PCDHA2: variants seen among roughly 807,000 people sequenced by gnomAD.
PCDHA2 encodes the protein protocadherin alpha 2, also known as protocadherin alpha-2.
Under a neutral mutation model 66.0 loss-of-function variants are expected in PCDHA2, and 58 were observed. That is an observed-to-expected ratio of 0.88 (90% CI 0.71 to 1.09). PCDHA2 has a LOEUF of 1.09. Ranked by LOEUF, PCDHA2 falls within the 50% of genes least tolerant of loss-of-function variation. The pLI is 0.00. For missense variants in PCDHA2, 1,267 were observed against 1,242.3 expected (o/e 1.02, Z -0.30); for synonymous variants, 634 against 554.0 (o/e 1.14, Z -2.03).
intron 1 of PCDHA2, chr5:140,968,416 G>A: frequency 1.2e-6 from 2 of 1,613,992 alleles, no homozygotes; most frequent in Non-Finnish European, 1.7e-6. Context: ...TGACTGTGGA[G>A]GCTCAGGACA....
chr5:140,972,660 ATTTTTTTTT>A (rs11350929), intron 1 of PCDHA2, among the ~76,000 whole-genome samples: 1 of 117,268 alleles, frequency 8.5e-6, no homozygotes, highest in Non-Finnish European at 1.7e-5. Flanking sequence ...AAGAAACCAA[ATTTTTTTTT>A]TTTTTTTTTT....
intron 1 of PCDHA2, among the ~76,000 whole-genome samples, chr5:140,954,634 T>C (rs1366737169): frequency 6.6e-6 from 1 of 152,210 alleles, no homozygotes; most frequent in Admixed American, 6.5e-5. Flanking sequence ...GTTTTTCTTG[T>C]AAATTTGTTT....
intron 1 of PCDHA2, chr5:140,823,221 C>A (rs1328701255): frequency 1.2e-6 from 2 of 1,613,612 alleles, no homozygotes; most frequent in Non-Finnish European, 1.7e-6. Flanking sequence ...GGGACGCGGA[C>A]GCGCAGGAGA....
At position 140,796,138 on chromosome 5, in the gene PCDHA2, C is replaced by A; in HGVS notation, c.1174C>A (p.His392Asn). Reference sequence around the variant, plus strand: ...ACATGTCACCTGCTCCCTGACGCCCCACGTCCCTTTCAAGCTGGTGTCCAC... The same window carrying A: ...ACATGTCACCTGCTCCCTGACGCCCAACGTCCCTTTCAAGCTGGTGTCCAC... ...NGHVTCSLTPHVPFKLVSTFK... is the reference protein window; with the variant it reads ...NGHVTCSLTPNVPFKLVSTFK... Residue 392 changes from histidine to asparagine, a missense_variant, in exon 1 of 4, where the codon CAC (histidine) becomes AAC (asparagine). His to Asn is a moderately conservative substitution (Grantham distance 68). Coordinates refer to ENST00000526136, the MANE Select transcript of PCDHA2 (RefSeq NM_018905.3). 6.2e-7 allele frequency: 1 copy of A among 1,614,198 alleles called. No homozygotes were observed. The highest frequency in any genetic ancestry group is 2.2e-5 in the East Asian group (1 of 44,882).
At chr5:140,858,342 C>T (rs528199752) in intron 1 of PCDHA2, 5 of 1,594,916 alleles carry the variant, frequency 3.1e-6, no homozygotes, top group East Asian at 2.2e-5. Flanking sequence ...CTGCCCAAGG[C>T]GGACCTCATG....
At chr5:140,885,280 A>G (rs2060543465) in intron 1 of PCDHA2, among the ~76,000 whole-genome samples, 2 of 152,138 alleles carry the variant, frequency 1.3e-5, no homozygotes, top group Admixed American at 6.5e-5. Context: ...ATATATATAC[A>G]TATATAGAGA....
intron 1 of PCDHA2, among the ~76,000 whole-genome samples, chr5:140,874,119 G>C (rs1256177133): frequency 6.6e-6 from 1 of 152,064 alleles, no homozygotes; most frequent in Non-Finnish European, 1.5e-5. Flanking sequence ...ACGTTTTATA[G>C]TTTATTTAAG....
chr5:140,902,756 C>A (rs1434955469), intron 1 of PCDHA2, among the ~76,000 whole-genome samples: 1 of 150,258 alleles, frequency 6.7e-6, no homozygotes, highest in Admixed American at 6.6e-5. Flanking sequence ...TTATATCATT[C>A]TTATGTCTTT....
intron 1 of PCDHA2, among the ~76,000 whole-genome samples, chr5:140,972,657 CA>C (rs1342092810): frequency 2.8e-5 from 4 of 143,798 alleles, no homozygotes; most frequent in South Asian, 4.5e-4. Context: ...AAAAAGAAAC[CA>C]AATTTTTTTT....
At position 141,011,003 on chromosome 5, in the gene PCDHA2, C is replaced by G. The variant is rs748731648; in HGVS notation, c.*1066C>G. 2.0e-5 allele frequency: 3 copies of G among 153,824 alleles called. No homozygotes were observed. In the South Asian group the frequency reaches 6.2e-4, roughly 32 times the overall value. 9.5% of individuals were successfully genotyped at this position (153,824 alleles called of 1,614,324 possible). On this transcript the variant is annotated 3_prime_UTR_variant, in exon 4 of 4. Coordinates refer to ENST00000526136, the MANE Select transcript of PCDHA2 (RefSeq NM_018905.3). ...ATTGCCTGAAACATCTGTATTATAT[C>G]GGCCACCTGCCAATCACAGCTTTAC...
At chr5:140,850,395 A>G in intron 1 of PCDHA2, 3 of 1,597,894 alleles carry the variant, frequency 1.9e-6, no homozygotes, top group Non-Finnish European at 1.7e-6. Context: ...GATCAGCACA[A>G]CGCGTGCCCT....
rs960845779 is a variant in PCDHA2, at chr5:140,852,795, A to G, written c.2388+55443A>G. 2.0e-5 allele frequency: 20 copies of G among 977,252 alleles called. 2 individuals are homozygous for G. In the African/African-American group the frequency reaches 2.8e-4, roughly 14 times the overall value. 60.5% of individuals were successfully genotyped at this position (977,252 alleles called of 1,614,324 possible). A position where few individuals can be genotyped will look rare whatever the true frequency, so the allele number is the denominator to read the frequency against. ...TGATGTGAATAGAGGGATGCTACAG[A>G]TGTCATTTGTCTCCCGCCCTAAGTC... On this transcript the variant is annotated intron_variant, in intron 1 of 3. Coordinates refer to ENST00000526136, the MANE Select transcript of PCDHA2 (RefSeq NM_018905.3).
Position 140,922,562 on chromosome 5 carries a change from T to A in PCDHA2, c.2389-56387T>A, listed in dbSNP as rs2080887973. Among the ~76,000 whole-genome samples, 4 of 152,188 alleles carry A rather than the reference T, an allele frequency of 2.6e-5. No individual in the cohort carries two copies. In the South Asian group the frequency reaches 8.3e-4, roughly 31 times the overall value. ...GGCAAGGTAAGGAGAAAAGTCAGGA[T>A]GACAAGTTGCCCTGTAGCCGCCAGT... On this transcript the variant is annotated intron_variant, in intron 1 of 3. Transcript: ENST00000526136.
chr5:140,924,472 GT>G (rs1436957745), intron 1 of PCDHA2, among the ~76,000 whole-genome samples: 2 of 152,188 alleles, frequency 1.3e-5, no homozygotes, highest in African/African-American at 4.8e-5. Context: ...GAGGTAACTG[GT>G]TTTTAGTGGA....
In PCDHA2 at chr5:140,850,849, G is replaced by A. The variant is rs2150500367; in HGVS notation, c.2388+53497G>A. On this transcript the variant is annotated intron_variant, in intron 1 of 3. Coordinates refer to ENST00000526136, the MANE Select transcript of PCDHA2 (RefSeq NM_018905.3). ...TCTCCTTGTGCTGGATCTACAGAGC[G>A]AACGGGAGAACCCTCTGCTTCCTCA... The A allele has an allele frequency of 8.1e-6, 13 of 1,596,194 alleles. 3 individuals are homozygous for A. Among genetic ancestry groups the A allele is most frequent in the East Asian group, 2.2e-5 (1 of 44,844 alleles).
At position 140,844,439 on chromosome 5, in the gene PCDHA2, C is replaced by T. The variant is rs1554140649; in HGVS notation, c.2388+47087C>T. Among the ~76,000 whole-genome samples, 3 of 149,204 alleles carry T rather than the reference C, an allele frequency of 2.0e-5. 1 individual carries two copies. Among genetic ancestry groups the T allele is most frequent in the African/African-American group, 7.4e-5 (3 of 40,780 alleles). ...TGTTTTTTATTCTACATGATTTTTA[C>T]AGTTGTATTGTCGCCAACTTAACAT... On this transcript the variant is annotated intron_variant, in intron 1 of 3. Coordinates refer to ENST00000526136, the MANE Select transcript of PCDHA2 (RefSeq NM_018905.3).
At chr5:140,831,569 C>T (rs2150196333) in intron 1 of PCDHA2, among the ~76,000 whole-genome samples, 8,259 of 146,924 alleles carry the variant, frequency 0.056, 800 homozygotes, top group African/African-American at 0.2. Context: ...CTCCATGTTG[C>T]CCAGGCTGGT....
At chr5:140,914,059 G>A (rs2076582448) in intron 1 of PCDHA2, among the ~76,000 whole-genome samples, 1 of 152,202 alleles carries the variant, frequency 6.6e-6, no homozygotes, top group African/African-American at 2.4e-5. Flanking sequence ...GCTGTTGGAT[G>A]AAATGCTCCA....
intron 1 of PCDHA2, chr5:140,870,054 T>G (rs895309313): frequency 1.2e-6 from 2 of 1,613,676 alleles, no homozygotes; most frequent in Non-Finnish European, 8.5e-7. Context: ...TTTATAAAAT[T>G]GAAGTACAGG....
Sources: allele counts gnomAD v4.1 joint callset (sites outside exome capture counted in the v4.1 genomes callset), GRCh38; gene constraint gnomAD v4.1.1; transcripts MANE v1.5; gene names NCBI Gene and HGNC (gene_info 2026-07-23, HGNC 2026-07-21).